TUSC3: variants seen among roughly 807,000 people sequenced by gnomAD.
TUSC3 encodes tumor suppressor candidate 3.
Under a neutral mutation model 44.8 loss-of-function variants are expected in TUSC3, and 45 were observed. The observed-to-expected ratio is 1.00, with a 90% CI of 0.79 to 1.29. The LOEUF is 1.29. TUSC3 is among the 50% of genes most tolerant of loss of function. The pLI is 0.00. For missense variants in TUSC3, 519 were observed against 437.9 expected, an observed-to-expected ratio of 1.19 and a Z score of -1.65; for synonymous variants, 212 against 152.9, an observed-to-expected ratio of 1.39 and a Z score of -2.85.
intron 2 of TUSC3, among the ~76,000 whole-genome samples, chr8:15,498,952 C>A (rs1311879691): frequency 6.6e-6 from 1 of 152,096 alleles, no homozygotes; most frequent in Non-Finnish European, 1.5e-5. Flanking sequence ...GATACAGGTG[C>A]CTTTTATTTT....
At chr8:15,799,273 G>A in the TUSC3 span, among the ~76,000 whole-genome samples, 3 of 152,116 alleles carry the variant, frequency 2.0e-5, no homozygotes, top group South Asian at 2.1e-4. Flanking sequence ...ACCAGCCAGC[G>A]CTCTAACAAT....
intron 7 of TUSC3, among the ~76,000 whole-genome samples, chr8:15,741,316 G>A (rs1042053093): frequency 6.6e-6 from 1 of 152,096 alleles, no homozygotes; most frequent in Non-Finnish European, 1.5e-5. Flanking sequence ...ATCGAATTGA[G>A]GAAGCTGCTT....
intron 3 of TUSC3, chr8:15,651,039 A>C (rs1300864561): frequency 1.9e-6 from 1 of 515,436 alleles, no homozygotes. Flanking sequence ...AATTCATTCA[A>C]TAGGTTAGTA....
intron 1 of TUSC3, among the ~76,000 whole-genome samples, chr8:15,582,767 C>T (rs560141619): frequency 4.6e-5 from 7 of 152,206 alleles, no homozygotes; most frequent in Non-Finnish European, 1.0e-4. Flanking sequence ...CAACCTGCCT[C>T]AACTCGAAGA....
At chr8:15,755,593 C>T (rs953988976) in intron 9 of TUSC3, among the ~76,000 whole-genome samples, 1 of 151,632 alleles carries the variant, frequency 6.6e-6, no homozygotes. Flanking sequence ...ACCATCTGAG[C>T]CAGCAATTAT....
At chr8:15,434,792 T>G (rs1799925069) in intron 1 of TUSC3, among the ~76,000 whole-genome samples, 1 of 152,010 alleles carries the variant, frequency 6.6e-6, no homozygotes, top group Non-Finnish European at 1.5e-5. Context: ...GGTGTTTGGT[T>G]TTTTGTGCTT....
chr8:15,542,390 C>G lies in TUSC3; in HGVS notation c.138+1822C>G, dbSNP rs1036361938. Among the ~76,000 whole-genome samples the G allele has an allele frequency of 5.9e-5, 9 of 151,846 alleles. No homozygotes were observed. In the East Asian group the frequency reaches 1.4e-3, roughly 23 times the overall value. ...TTGATGTTAATGCTGGTTGGCTTTT[C>G]CAGAATTCCAAGAAGAAGGAGGGTA... On this transcript the variant is annotated intron_variant, in intron 1 of 10. Coordinates refer to ENST00000503731, the MANE Select transcript of TUSC3 (RefSeq NM_006765.4).
intron 6 of TUSC3, among the ~76,000 whole-genome samples, chr8:15,720,203 C>T (rs7817134): frequency 0.34 from 48,274 of 142,588 alleles, 8,132 homozygotes; most frequent in African/African-American, 0.43. Flanking sequence ...TATATATATA[C>T]ACACACACAC....
chr8:15,759,384 A>C (rs999480626), intron 10 of TUSC3, among the ~76,000 whole-genome samples: 1 of 152,072 alleles, frequency 6.6e-6, no homozygotes, highest in African/African-American at 2.4e-5. Context: ...ATCGGAACTT[A>C]ACCGGCTTCC....
At chr8:15,664,925 C>A (rs1168937853) in intron 5 of TUSC3, among the ~76,000 whole-genome samples, 1 of 151,150 alleles carries the variant, frequency 6.6e-6, no homozygotes, top group African/African-American at 2.4e-5. Flanking sequence ...TTACCATCAC[C>A]ACCAAACTTG....
At chr8:15,494,454 A>G (rs1800852742) in intron 2 of TUSC3, among the ~76,000 whole-genome samples, 2 of 151,604 alleles carry the variant, frequency 1.3e-5, no homozygotes, top group African/African-American at 4.8e-5. Flanking sequence ...AGTAGCTGGG[A>G]CTACAGGCGC....
intron 8 of TUSC3, among the ~76,000 whole-genome samples, chr8:15,747,835 T>G (rs1003186071): frequency 5.9e-5 from 9 of 152,104 alleles, no homozygotes; most frequent in African/African-American, 2.2e-4. Flanking sequence ...ACTTAGACCA[T>G]ATTTTCTCTC....
At chr8:15,727,162 A>T (rs1323022828) in intron 6 of TUSC3, among the ~76,000 whole-genome samples, 11 of 152,196 alleles carry the variant, frequency 7.2e-5, no homozygotes, top group Admixed American at 7.2e-4. Context: ...TCTGTTAGAT[A>T]CAAATTTTTA....
intron 7 of TUSC3, among the ~76,000 whole-genome samples, chr8:15,732,681 T>A (rs1169289951): frequency 3.3e-5 from 5 of 152,206 alleles, no homozygotes; most frequent in Non-Finnish European, 7.3e-5. Context: ...ATTGTATAAC[T>A]TATAAGGTAA....
At chr8:15,611,813 A>G (rs1378374226) in intron 1 of TUSC3, among the ~76,000 whole-genome samples, 2 of 152,160 alleles carry the variant, frequency 1.3e-5, no homozygotes, top group African/African-American at 4.8e-5. Context: ...TGCCCTTTAT[A>G]TATTTTTAAA....
intron 1 of TUSC3, among the ~76,000 whole-genome samples, chr8:15,614,994 C>T (rs1017155629): frequency 3.4e-5 from 5 of 149,132 alleles, no homozygotes; most frequent in Admixed American, 3.3e-4. Flanking sequence ...AAAGGGAACT[C>T]TTGTACACTC....
chr8:15,850,527 T>C, the TUSC3 span, among the ~76,000 whole-genome samples: 7 of 152,330 alleles, frequency 4.6e-5, no homozygotes, highest in African/African-American at 1.7e-4. Context: ...TCTCATATAT[T>C]CAGTCCTATC....
chr8:15,605,609 C>T (rs1804487409), intron 1 of TUSC3, among the ~76,000 whole-genome samples: 1 of 150,390 alleles, frequency 6.6e-6, no homozygotes, highest in African/African-American at 2.4e-5. Flanking sequence ...TTACAAATAC[C>T]AAAAAAAATG....
intron 1 of TUSC3, among the ~76,000 whole-genome samples, chr8:15,431,620 CAG>C (rs1303148196): frequency 2.0e-5 from 3 of 151,584 alleles, no homozygotes; most frequent in Non-Finnish European, 2.9e-5. Flanking sequence ...CTTGTACAAA[CAG>C]AAATAACTTT....
Sources: allele counts gnomAD v4.1 joint callset (sites outside exome capture counted in the v4.1 genomes callset), GRCh38; gene constraint gnomAD v4.1.1; transcripts MANE v1.5; gene names NCBI Gene and HGNC (gene_info 2026-07-23, HGNC 2026-07-21).